Variants in KHDRBS3 observed in about 807,000 individuals in gnomAD.
KHDRBS3 encodes the protein KH domain-containing, RNA-binding, signal transduction-associated protein 3.
In KHDRBS3, 23 loss-of-function variants were observed where a neutral mutation model predicts 45.6. The observed-to-expected ratio is 0.50, with a 90% confidence interval of 0.36 to 0.72. The LOEUF (loss-of-function observed/expected upper bound fraction) is 0.72, where lower values mean the gene tolerates loss of function less well. KHDRBS3 is among the 30% of genes least tolerant of loss of function. The pLI is 0.00. For missense variants in KHDRBS3, 352 were observed against 424.8 expected, an observed-to-expected ratio of 0.83 and a Z score of 1.51; for synonymous variants, 162 against 156.5, an observed-to-expected ratio of 1.04 and a Z score of -0.26.
In KHDRBS3 at chr8:135,526,789, C is replaced by T. The variant is rs1331272542; in HGVS notation, c.207+5434C>T. ...TCTTTCAATGGCACAGCATTGGACACAGGAATCATTTAGTGTTCAGACCTT... is the reference window on the plus strand; with the variant it reads ...TCTTTCAATGGCACAGCATTGGACATAGGAATCATTTAGTGTTCAGACCTT... On this transcript the variant is annotated intron_variant, in intron 2 of 8. Coordinates refer to ENST00000355849, the MANE Select transcript of KHDRBS3 (RefSeq NM_006558.3). Among the ~76,000 whole-genome samples the T allele has an allele frequency of 2.6e-5, 4 of 152,180 alleles. No individual in the cohort carries two copies. In the South Asian group the frequency reaches 6.2e-4, roughly 24 times the overall value.
chr8:135,542,992 G>T (rs1431526243), intron 3 of KHDRBS3, among the ~76,000 whole-genome samples: 2 of 152,012 alleles, frequency 1.3e-5, no homozygotes, highest in African/African-American at 2.4e-5. Context: ...TTAAAGTTTT[G>T]ATTGCAGTTG....
At chr8:135,608,382 G>T (rs1216131137) in intron 7 of KHDRBS3, among the ~76,000 whole-genome samples, 1 of 152,138 alleles carries the variant, frequency 6.6e-6, no homozygotes, top group East Asian at 1.9e-4. Context: ...CACAGCATTT[G>T]CTGAGTGCAT....
chr8:135,611,191 C>T (rs1391850122), intron 7 of KHDRBS3, among the ~76,000 whole-genome samples: 1 of 151,864 alleles, frequency 6.6e-6, no homozygotes, highest in Non-Finnish European at 1.5e-5. Flanking sequence ...GAAGTGCTCA[C>T]ATGGACAAGT....
At chr8:135,648,928 G>C (rs1051640394), downstream of KHDRBS3, among the ~76,000 whole-genome samples, 4 of 151,998 alleles carry the variant, frequency 2.6e-5, no homozygotes, top group African/African-American at 9.7e-5. Context: ...AGAGCAGTTT[G>C]CCAAATTTAA....
rs1826105992 is a variant in KHDRBS3 at position 135,542,783 on chromosome 8, A to G, written c.324+13A>G. ...AGACAAGGCCAAGGTAATATTAATTATAGAAAACGGCTAAGTTGTGTATCA... is the reference window on the plus strand; with the variant it reads ...AGACAAGGCCAAGGTAATATTAATTGTAGAAAACGGCTAAGTTGTGTATCA... On this transcript the variant is annotated intron_variant, in intron 3 of 8. Coordinates refer to ENST00000355849, the MANE Select transcript of KHDRBS3 (RefSeq NM_006558.3). 6.5e-7 allele frequency: 1 copy of G among 1,527,182 alleles called. No individual in the cohort carries two copies. 94.6% of individuals were successfully genotyped at this position (1,527,182 alleles called of 1,614,324 possible).
intron 1 of KHDRBS3, among the ~76,000 whole-genome samples, chr8:135,487,632 C>A (rs1822930135): frequency 6.6e-6 from 1 of 152,084 alleles, no homozygotes; most frequent in Admixed American, 6.5e-5. Context: ...AGGAATGGTA[C>A]ATTTGAGATT....
chr8:135,487,652 G>GT (rs1822931551), intron 1 of KHDRBS3, among the ~76,000 whole-genome samples: 2 of 152,170 alleles, frequency 1.3e-5, no homozygotes, highest in Non-Finnish European at 1.5e-5. Flanking sequence ...TGTGTTGAAA[G>GT]TGTAAATGGG....
At chr8:135,622,583 G>T (rs1359128752) in intron 7 of KHDRBS3, among the ~76,000 whole-genome samples, 1 of 152,206 alleles carries the variant, frequency 6.6e-6, no homozygotes, top group Non-Finnish European at 1.5e-5. Flanking sequence ...AAGAGTAATA[G>T]ATATGGCTTT....
rs1237666093 is a variant in KHDRBS3, at chr8:135,509,974, C to CTTT, written c.89-11247_89-11245dup. On this transcript the variant is annotated intron_variant, in intron 1 of 8. Transcript: ENST00000355849. ...ACATTGAAATTTTCTTTCCCCCCCCCTTTTTTTTTTTTTTTTTTGCTTAAA... is the reference window on the plus strand; with the variant it reads ...ACATTGAAATTTTCTTTCCCCCCCCCTTTTTTTTTTTTTTTTTTTTTGCTTAAA... Among the ~76,000 whole-genome samples, 28 of 122,930 alleles carry CTTT rather than the reference C, an allele frequency of 2.3e-4. 1 individual carries two copies. The highest frequency in any genetic ancestry group is 6.7e-4 in the African/African-American group (20 of 29,774). The allele number at this position is 122,930 out of a possible 152,430, so 80.6% of individuals were successfully genotyped here.
intron 1 of KHDRBS3, among the ~76,000 whole-genome samples, chr8:135,482,613 G>A (rs1380361453): frequency 2.0e-5 from 3 of 152,084 alleles, no homozygotes; most frequent in African/African-American, 4.8e-5. Flanking sequence ...TTTTGGGCGC[G>A]TGTGTATGCC....
At chr8:135,546,602 A>G (rs1826316329) in intron 3 of KHDRBS3, among the ~76,000 whole-genome samples, 1 of 152,200 alleles carries the variant, frequency 6.6e-6, no homozygotes, top group Non-Finnish European at 1.5e-5. Context: ...TTTATCATTT[A>G]CTGAGCGCTT....
intron 7 of KHDRBS3, among the ~76,000 whole-genome samples, chr8:135,613,822 G>A (rs906981393): frequency 4.0e-5 from 6 of 151,574 alleles, no homozygotes; most frequent in South Asian, 2.1e-4. Context: ...CCTGGCTACC[G>A]TTGGGTATGA....
rs112128845 is a variant in KHDRBS3 at position 135,548,270 on chromosome 8, G to C, written c.325-484G>C. Among the ~76,000 whole-genome samples, 672 of 152,266 alleles carry C rather than the reference G, an allele frequency of 4.4e-3. 13 individuals carry two copies. Among genetic ancestry groups the C allele is most frequent in the African/African-American group, 0.015 (611 of 41,542 alleles). On this transcript the variant is annotated intron_variant, in intron 3 of 8. Transcript: ENST00000355849. ...CTCCATGGTAATCACTTTTTACTAA[G>C]AGAAGATAGAAAATAGACATGTTTT...
At chr8:135,511,680 C>T (rs563707725) in intron 1 of KHDRBS3, among the ~76,000 whole-genome samples, 68 of 152,150 alleles carry the variant, frequency 4.5e-4, no homozygotes, top group Admixed American at 1.5e-3. Flanking sequence ...CTAAGCCTCC[C>T]GAGTAGCTGG....
intron 1 of KHDRBS3, among the ~76,000 whole-genome samples, chr8:135,500,414 C>G (rs547279184): frequency 1.3e-5 from 2 of 152,212 alleles, no homozygotes; most frequent in Admixed American, 1.3e-4. Context: ...TGAGGAACTC[C>G]TAGGGCTGAT....
At chr8:135,624,077 A>G (rs1301108651) in intron 7 of KHDRBS3, among the ~76,000 whole-genome samples, 2 of 152,212 alleles carry the variant, frequency 1.3e-5, no homozygotes, top group Admixed American at 1.3e-4. Flanking sequence ...CTCCAAAGAA[A>G]CTAGTGTACT....
At chr8:135,580,605 C>CTT (rs11405340) in intron 5 of KHDRBS3, among the ~76,000 whole-genome samples, 5,289 of 128,858 alleles carry the variant, frequency 0.041, 153 homozygotes, top group Non-Finnish European at 0.061. Flanking sequence ...CTCTCTCTCT[C>CTT]TTTTTTTTTT....
chr8:135,550,666 C>T lies in KHDRBS3; in HGVS notation c.471+1766C>T, dbSNP rs557175468. On this transcript the variant is annotated intron_variant, in intron 4 of 8. Transcript: ENST00000355849. ...GGAAATCTAGGTTGTGTAAATTGTCCACCTTTGTTCTTTTTCAAACATTTT... is the reference window on the plus strand; with the variant it reads ...GGAAATCTAGGTTGTGTAAATTGTCTACCTTTGTTCTTTTTCAAACATTTT... 2.6e-5 allele frequency among the ~76,000 whole-genome samples: 4 copies of T among 151,514 alleles called. No homozygotes were observed. In the South Asian group the frequency reaches 8.3e-4, roughly 32 times the overall value.
chr8:135,505,465 C>G (rs1823944947), intron 1 of KHDRBS3, among the ~76,000 whole-genome samples: 1 of 152,094 alleles, frequency 6.6e-6, no homozygotes, highest in Non-Finnish European at 1.5e-5. Context: ...TGCTGATTCC[C>G]AGGTACTTTC....
Sources: gnomAD v4.1 joint callset for allele counts (sites outside exome capture counted in the v4.1 genomes callset) on GRCh38, gnomAD v4.1.1 for gene constraint, MANE v1.5 for transcripts, NCBI Gene and HGNC (gene_info 2026-07-23, HGNC 2026-07-21) for gene names.